Variants in TBC1D32 observed in about 807,000 individuals in gnomAD.
TBC1D32 encodes the protein protein broad-minded.
A neutral mutation model predicts 170.3 loss-of-function variants in TBC1D32; 151 were observed. The ratio of observed to expected loss-of-function variants is 0.89; its 90% CI spans 0.78 to 1.01. The LOEUF (loss-of-function observed/expected upper bound fraction) is 1.01. TBC1D32 is among the 50% of genes least tolerant of loss of function. TBC1D32 has a pLI of 0.00. For missense variants in TBC1D32, 1,464 were observed against 1,457.1 expected, an observed-to-expected ratio of 1.00 and a Z score of -0.08; for synonymous variants, 498 against 488.0, an observed-to-expected ratio of 1.02 and a Z score of -0.27.
intron 22 of TBC1D32, among the ~76,000 whole-genome samples, chr6:121,169,046 T>C (rs1786561172): frequency 8.1e-6 from 1 of 124,218 alleles, no homozygotes; most frequent in Non-Finnish European, 1.8e-5. Context: ...TTGACATTCT[T>C]TACAGAATCA....
At position 121,213,467 on chromosome 6, in the gene TBC1D32, A is replaced by AACATAACATAAC. The variant is rs200847552; in HGVS notation, c.2482-8305_2482-8304insGTTATGTTATGT. Among the ~76,000 whole-genome samples the AACATAACATAAC allele has an allele frequency of 1.9e-3, 84 of 44,758 alleles. 4 individuals are homozygous for AACATAACATAAC. The highest frequency in any genetic ancestry group is 0.011 in the Middle Eastern group (1 of 90). 29.4% of individuals were successfully genotyped at this position (44,758 alleles called of 152,430 possible). A position where few individuals can be genotyped will look rare whatever the true frequency, so the allele number is the denominator to read the frequency against. On this transcript the variant is annotated intron_variant, in intron 21 of 31. Coordinates refer to ENST00000398212, the MANE Select transcript of TBC1D32 (RefSeq NM_152730.6). ...TATTCACAACTGCCACAAAAATAAT[A>AACATAACATAAC]ATAAAATAAAATAAAATAAAATAAA...
At chr6:121,240,664 G>A (rs572201666) in intron 19 of TBC1D32, among the ~76,000 whole-genome samples, 2 of 151,520 alleles carry the variant, frequency 1.3e-5, no homozygotes, top group African/African-American at 4.8e-5. Flanking sequence ...CAAGGCGGGC[G>A]AATCACCTGA....
At chr6:121,291,849 T>C (rs187369944) in intron 12 of TBC1D32, among the ~76,000 whole-genome samples, 2 of 145,890 alleles carry the variant, frequency 1.4e-5, no homozygotes, top group African/African-American at 5.0e-5. Flanking sequence ...GGAATAATAA[T>C]AAAAAAAAAA....
chr6:121,138,993 C>T (rs1292256330), intron 24 of TBC1D32, among the ~76,000 whole-genome samples: 1 of 151,966 alleles, frequency 6.6e-6, no homozygotes, highest in African/African-American at 2.4e-5. Flanking sequence ...TACAGGCACC[C>T]GCCACCACGC....
chr6:121,194,512 G>A lies in TBC1D32; in HGVS notation c.2570+10563C>T, dbSNP rs188766494. 9.8e-4 allele frequency among the ~76,000 whole-genome samples: 149 copies of A among 152,308 alleles called. 1 individual carries two copies. The highest frequency in any genetic ancestry group is 3.4e-3 in the African/African-American group (141 of 41,576). Reference sequence around the variant, plus strand: ...CTGTGCAGAAGACAGACAGATCTTGGAGAATGACACTGGGTTATTGTAAGC... The same window carrying A: ...CTGTGCAGAAGACAGACAGATCTTGAAGAATGACACTGGGTTATTGTAAGC... On this transcript the variant is annotated intron_variant, in intron 22 of 31. Transcript: ENST00000398212.
intron 22 of TBC1D32, among the ~76,000 whole-genome samples, chr6:121,180,697 A>G (rs1788388137): frequency 6.6e-6 from 1 of 152,164 alleles, no homozygotes; most frequent in African/African-American, 2.4e-5. Flanking sequence ...GTAAGCCTTC[A>G]AAAGCAAAGG....
In TBC1D32 at chr6:121,279,323, T is replaced by C. The variant is rs942261018; in HGVS notation, c.1609-78A>G. 1.8e-5 allele frequency: 26 copies of C among 1,467,408 alleles called. No individual in the cohort carries two copies. The South Asian group carries it at 2.9e-4, about 17-fold the overall frequency. 90.9% of individuals were successfully genotyped at this position (1,467,408 alleles called of 1,614,324 possible). A position where few individuals can be genotyped will look rare whatever the true frequency, so the allele number is the denominator to read the frequency against. Reference sequence around the variant, plus strand: ...CATATCACAGACTAAAATCCGAGGATTGTAAGTAGTCTTATAAAGTTATAT... The same window carrying C: ...CATATCACAGACTAAAATCCGAGGACTGTAAGTAGTCTTATAAAGTTATAT... On this transcript the variant is annotated intron_variant, in intron 14 of 31. Transcript: ENST00000398212.
intron 25 of TBC1D32, among the ~76,000 whole-genome samples, chr6:121,128,768 G>A (rs1304241008): frequency 6.6e-6 from 1 of 152,146 alleles, no homozygotes; most frequent in Non-Finnish European, 1.5e-5. Context: ...AAGGATACTT[G>A]GGTATTGATT....
At position 121,080,724 on chromosome 6, in the gene TBC1D32, T is replaced by C. The variant is rs770832154; in HGVS notation, c.*47A>G. 2.5e-6 allele frequency: 4 copies of C among 1,579,778 alleles called. No homozygotes were observed. The highest frequency in any genetic ancestry group is 2.6e-6 in the Non-Finnish European group (3 of 1,164,994). Reference sequence around the variant, plus strand: ...AGAAAAACATCAAGCCCCCCTGCTGTGTTTAAAAATAAATAAAACCTAAAT... The same window carrying C: ...AGAAAAACATCAAGCCCCCCTGCTGCGTTTAAAAATAAATAAAACCTAAAT... On this transcript the variant is annotated 3_prime_UTR_variant, in exon 32 of 32. Transcript: ENST00000398212.
intron 15 of TBC1D32, among the ~76,000 whole-genome samples, chr6:121,273,851 G>A (rs895476348): frequency 2.6e-5 from 4 of 152,084 alleles, no homozygotes; most frequent in African/African-American, 9.7e-5. Flanking sequence ...ACGGCAAGCT[G>A]TAACCAAAAT....
At chr6:121,150,037 C>T (rs1471865986) in intron 24 of TBC1D32, among the ~76,000 whole-genome samples, 1 of 152,176 alleles carries the variant, frequency 6.6e-6, no homozygotes, top group Non-Finnish European at 1.5e-5. Context: ...CTGGCCAAAA[C>T]TTCCAACACT....
intron 20 of TBC1D32, among the ~76,000 whole-genome samples, chr6:121,226,130 A>T (rs900394570): frequency 1.2e-4 from 18 of 152,138 alleles, no homozygotes; most frequent in African/African-American, 4.3e-4. Flanking sequence ...TCACTTATTC[A>T]CTAAAAATAT....
intron 22 of TBC1D32, among the ~76,000 whole-genome samples, chr6:121,177,780 C>G (rs1787973941): frequency 6.6e-6 from 1 of 152,042 alleles, no homozygotes; most frequent in Admixed American, 6.5e-5. Flanking sequence ...TGGGCCCTAC[C>G]CCCAAGATAT....
At chr6:121,220,494 G>C (rs900218289) in intron 21 of TBC1D32, among the ~76,000 whole-genome samples, 1 of 152,084 alleles carries the variant, frequency 6.6e-6, no homozygotes, top group African/African-American at 2.4e-5. Flanking sequence ...TTAACAGGTT[G>C]GTTCATGGGA....
At chr6:121,127,486 G>A (rs1780976586) in intron 25 of TBC1D32, among the ~76,000 whole-genome samples, 1 of 152,080 alleles carries the variant, frequency 6.6e-6, no homozygotes, top group African/African-American at 2.4e-5. Flanking sequence ...GGTCAGAAAG[G>A]ACATCAGTAT....
chr6:121,261,579 A>G lies in TBC1D32; in HGVS notation c.1734-5294T>C, dbSNP rs148887919. 1.5e-3 allele frequency among the ~76,000 whole-genome samples: 235 copies of G among 152,258 alleles called. 1 individual carries two copies. Among genetic ancestry groups the G allele is most frequent in the Middle Eastern group, 0.014 (4 of 294 alleles). On this transcript the variant is annotated intron_variant, in intron 15 of 31. Transcript: ENST00000398212. ...AAAGAAAAACAAACAGAAAGCTACA[A>G]CAACAGCATCAACTAAAAAAATCCT...
At chr6:121,134,398 CT>C (rs1781788707) in intron 24 of TBC1D32, among the ~76,000 whole-genome samples, 1 of 152,094 alleles carries the variant, frequency 6.6e-6, no homozygotes, top group South Asian at 2.1e-4. Flanking sequence ...TTCTCATCAT[CT>C]CATTCTAAGG....
intron 15 of TBC1D32, among the ~76,000 whole-genome samples, chr6:121,269,543 A>G (rs1801052146): frequency 1.3e-5 from 2 of 152,230 alleles, no homozygotes; most frequent in South Asian, 4.1e-4. Flanking sequence ...AAAGGGATCA[A>G]TTCAACAGGA....
chr6:121,275,188 A>G (rs1802050714), intron 15 of TBC1D32, among the ~76,000 whole-genome samples: 1 of 152,186 alleles, frequency 6.6e-6, no homozygotes, highest in Admixed American at 6.5e-5. Context: ...CAAGAGAGAT[A>G]AATTGTTGTA....
Sources: gnomAD v4.1 joint callset for allele counts (sites outside exome capture counted in the v4.1 genomes callset) on GRCh38, gnomAD v4.1.1 for gene constraint, MANE v1.5 for transcripts, NCBI Gene and HGNC (gene_info 2026-07-23, HGNC 2026-07-21) for gene names.